Variants in STK31 observed in about 807,000 individuals in gnomAD.
STK31 encodes the protein serine/threonine-protein kinase 31.
A neutral mutation model predicts 129.7 loss-of-function variants in STK31; 89 were observed. That is an observed-to-expected ratio of 0.69 (90% CI 0.58 to 0.82). The LOEUF (loss-of-function observed/expected upper bound fraction) is 0.82. STK31 is among the 40% of genes least tolerant of loss of function. STK31 has a pLI of 0.00. For synonymous variants in STK31, 448 were observed against 395.3 expected, an observed-to-expected ratio of 1.13 and a Z score of -1.58; for missense variants, 1,187 against 1,176.4, an observed-to-expected ratio of 1.01 and a Z score of -0.13.
intron 22 of STK31, among the ~76,000 whole-genome samples, chr7:23,810,961 A>ACC (rs1562623913): frequency 2.9e-4 from 43 of 147,082 alleles, no homozygotes; most frequent in African/African-American, 9.7e-4. Flanking sequence ...ACACACACAC[A>ACC]CCTACATGAT....
chr7:23,756,695 C>T (rs931588446), intron 10 of STK31, among the ~76,000 whole-genome samples: 2 of 152,174 alleles, frequency 1.3e-5, no homozygotes, highest in Non-Finnish European at 2.9e-5. Flanking sequence ...GAGTTTTTAA[C>T]ATGAAGGCAT....
At chr7:23,735,429 A>G (rs947663304) in intron 6 of STK31, 109 bp from the exon 7 acceptor site, 16 of 956,666 alleles carry the variant, frequency 1.7e-5, no homozygotes, top group African/African-American at 1.5e-4. Context: ...GCAAAGTAAT[A>G]TAGAGATTTT....
intron 22 of STK31, among the ~76,000 whole-genome samples, chr7:23,813,306 A>C (rs1407776000): frequency 6.6e-6 from 1 of 151,968 alleles, no homozygotes; most frequent in Non-Finnish European, 1.5e-5. Flanking sequence ...ACCTTAGAGA[A>C]ATTATAATTG....
intron 23 of STK31, among the ~76,000 whole-genome samples, chr7:23,822,870 G>A (rs1390860200): frequency 6.6e-6 from 1 of 152,134 alleles, no homozygotes; most frequent in Admixed American, 6.5e-5. Flanking sequence ...CCTTGCGATA[G>A]TTTGCTGAGA....
intron 10 of STK31, among the ~76,000 whole-genome samples, chr7:23,761,687 C>A (rs182533525): frequency 6.6e-6 from 1 of 150,894 alleles, no homozygotes; most frequent in East Asian, 1.9e-4. Context: ...GGATTACAGG[C>A]GTGGGCCACC....
chr7:23,769,474 C>A (rs1472546933), intron 12 of STK31, among the ~76,000 whole-genome samples, 166 bp from the exon 13 acceptor site: 1 of 152,050 alleles, frequency 6.6e-6, no homozygotes, highest in Non-Finnish European at 1.5e-5. Flanking sequence ...TGTACCTTTT[C>A]CTTTCAGTGC....
At chr7:23,745,438 A>G (rs1315771970) in intron 8 of STK31, among the ~76,000 whole-genome samples, 1 of 152,148 alleles carries the variant, frequency 6.6e-6, no homozygotes, top group African/African-American at 2.4e-5. Flanking sequence ...GGTTGCTTTC[A>G]CTGGCAGCAG....
chr7:23,805,639 C>T (rs1792659355), intron 22 of STK31, among the ~76,000 whole-genome samples: 1 of 151,794 alleles, frequency 6.6e-6, no homozygotes, highest in Non-Finnish European at 1.5e-5. Flanking sequence ...TGTATCACCA[C>T]TCTTGACTCA....
At chr7:23,736,569 A>G (rs1220533810) in intron 7 of STK31, among the ~76,000 whole-genome samples, 1 of 43,490 alleles carries the variant, frequency 2.3e-5, no homozygotes, top group Non-Finnish European at 4.2e-5. Flanking sequence ...AGGGGATCAC[A>G]GGACGGGGGG....
intron 23 of STK31, 44 bp from the exon 24 acceptor site, chr7:23,832,091 TG>T: frequency 7.3e-7 from 1 of 1,373,962 alleles, no homozygotes; most frequent in South Asian, 1.2e-5. Flanking sequence ...ATTACAGATT[TG>T]TCCTTTTGTT....
At position 23,832,288 on chromosome 7, in the gene STK31, G is replaced by T. The variant is rs1452958985; in HGVS notation, c.2982G>T (p.Lys994Asn). Residue 994 changes from lysine to asparagine, a missense_variant, in exon 24 of 24, where the codon AAG becomes AAT. Lys to Asn is a moderately conservative substitution (Grantham distance 94). Coordinates refer to ENST00000355870, the MANE Select transcript of STK31 (RefSeq NM_031414.5). ...ATACTGAATACACCCTATATAAAAA[G>T]GAAGAAGAAATAAAGACGGAGAACT... ...EKDTEYTLYK[K>N]EEEIKTENLD... 6.2e-7 allele frequency: 1 copy of T among 1,613,922 alleles called. No homozygotes were observed. Among genetic ancestry groups the T allele is most frequent in the African/African-American group, 1.3e-5 (1 of 75,006 alleles).
intron 21 of STK31, among the ~76,000 whole-genome samples, chr7:23,789,972 C>A (rs1376979785): frequency 6.6e-6 from 1 of 152,114 alleles, no homozygotes; most frequent in East Asian, 1.9e-4. Flanking sequence ...AGGTCAAGAT[C>A]ATTGCTTTTC....
chr7:23,805,602 GC>G (rs1297740479), intron 22 of STK31, among the ~76,000 whole-genome samples: 1 of 152,098 alleles, frequency 6.6e-6, no homozygotes, highest in East Asian at 1.9e-4. Flanking sequence ...TCCTGCCTTA[GC>G]CCCCTGAGTA....
intron 11 of STK31, among the ~76,000 whole-genome samples, chr7:23,764,216 A>G (rs186686573): frequency 1.4e-4 from 22 of 152,338 alleles, no homozygotes; most frequent in African/African-American, 4.8e-4. Flanking sequence ...GCTTTCCACA[A>G]TGCAGCTTCT....
Position 23,783,584 on chromosome 7 carries a change from A to T in STK31, c.2069A>T (p.Glu690Val). 6.2e-7 allele frequency: 1 copy of T among 1,603,662 alleles called. No homozygotes were observed. ...QEIYHEREEY[E>V]MLTSLAQKWF... ...AAAACTTTTTTTTTTTAACTTTAGG[A>T]GATGCTAACTAGTTTGGCACAGAAA... The change falls in exon 17 of 24, where the codon GAG becomes GTG. Residue 690 changes from glutamate to valine, a missense_variant and splice_region_variant. Around this residue, in one of 5 missense-constraint regions of STK31, gnomAD observed 975 missense variants for 934.9 expected, o/e 1.04. Transcript: ENST00000355870.
chr7:23,777,846 A>G (rs1469412095), intron 15 of STK31, among the ~76,000 whole-genome samples: 1 of 152,110 alleles, frequency 6.6e-6, no homozygotes, highest in African/African-American at 2.4e-5. Flanking sequence ...TTTCAGGTCA[A>G]TATTGTTATT....
intron 22 of STK31, among the ~76,000 whole-genome samples, chr7:23,801,208 C>T (rs541905683): frequency 3.9e-5 from 6 of 152,166 alleles, no homozygotes; most frequent in Non-Finnish European, 7.3e-5. Flanking sequence ...GCATCATTGT[C>T]GGCACCTCGT....
Position 23,788,137 on chromosome 7 carries a change from A to G in STK31, c.2637+8A>G. 1 of 1,604,922 alleles carries G rather than the reference A, an allele frequency of 6.2e-7. No homozygotes were observed. The highest frequency in any genetic ancestry group is 8.5e-7 in the Non-Finnish European group (1 of 1,176,372). On this transcript the variant is annotated splice_region_variant and intron_variant, in intron 21 of 23. Transcript: ENST00000355870. Reference sequence around the variant, plus strand: ...GACTTCACCAAATCTGTGGTAAGATATCATGGTTTTACAAATAGGTTCTAG... The same window carrying G: ...GACTTCACCAAATCTGTGGTAAGATGTCATGGTTTTACAAATAGGTTCTAG...
chr7:23,729,046 T>C, intron 5 of STK31, 45 bp from the exon 6 acceptor site: 1 of 1,492,076 alleles, frequency 6.7e-7, no homozygotes, highest in Non-Finnish European at 8.9e-7. Flanking sequence ...TTTGGAAACA[T>C]TTAATCTGGG....
Sources: gnomAD v4.1 joint callset for allele counts (sites outside exome capture counted in the v4.1 genomes callset) on GRCh38, gnomAD v4.1.1 for gene constraint, gnomAD v4.1.1 regional missense constraint, MANE v1.5 for transcripts, NCBI Gene and HGNC (gene_info 2026-07-23, HGNC 2026-07-21) for gene names.